CCDC73: variants seen among roughly 807,000 people sequenced by gnomAD.
CCDC73 encodes coiled-coil domain-containing protein 73.
CCDC73 carries 95 observed loss-of-function variants against 116.5 expected under a neutral mutation model. That is an observed-to-expected ratio of 0.82 (90% CI 0.69 to 0.97). The LOEUF (loss-of-function observed/expected upper bound fraction) is 0.97. Among genes scored for constraint, CCDC73 ranks in the 50% least tolerant of loss-of-function variants. The probability of loss-of-function intolerance (pLI) is 0.00; values close to 1 mark genes in which losing one functional copy is unlikely to be tolerated. For synonymous variants in CCDC73, 398 were observed against 401.3 expected (o/e 0.99, Z 0.10); for missense variants, 1,066 against 1,206.8 (o/e 0.88, Z 1.73).
chr11:32,646,845 A>G (rs963854758), intron 12 of CCDC73, among the ~76,000 whole-genome samples: 1 of 151,742 alleles, frequency 6.6e-6, no homozygotes, highest in African/African-American at 2.4e-5. Context: ...CCTGTTTTCC[A>G]TCTTTTTGTC....
In CCDC73 at chr11:32,765,084, C is replaced by A. The variant is rs552422188; in HGVS notation, c.-15-4826G>T. Among the ~76,000 whole-genome samples the A allele has an allele frequency of 3.9e-4, 59 of 152,304 alleles. 1 individual carries two copies. The East Asian group carries it at 8.9e-3, about 23-fold the overall frequency. On this transcript the variant is annotated intron_variant, in intron 1 of 17. Transcript: ENST00000335185. ...GCTAACTATCCTAAATATATATGCA[C>A]CCAATACAGGATCACCCAGATTCAT...
the CCDC73 span, among the ~76,000 whole-genome samples, chr11:32,827,572 A>G: frequency 2.6e-5 from 4 of 152,228 alleles, no homozygotes; most frequent in Admixed American, 6.5e-5. Context: ...CTGATTCCAT[A>G]GCATGAGGCA....
intron 1 of CCDC73, among the ~76,000 whole-genome samples, chr11:32,779,044 A>AATGTTCCATGAATACATTACAAGTATTC (rs1850560377): frequency 2.0e-5 from 3 of 152,124 alleles, no homozygotes; most frequent in Admixed American, 6.6e-5. Context: ...GTGCTAGGAC[A>AATGTTCCATGAATACATTACAAGTATTC]ATGTTCCATG....
the CCDC73 span, chr11:32,830,473 C>CA: frequency 8.4e-7 from 1 of 1,194,390 alleles, no homozygotes; most frequent in Non-Finnish European, 1.1e-6. Flanking sequence ...AGCTAGGGGC[C>CA]TTTTTTTTTT....
the CCDC73 span, among the ~76,000 whole-genome samples, chr11:32,816,754 G>A: frequency 1.5e-4 from 23 of 152,050 alleles, no homozygotes; most frequent in Non-Finnish European, 3.4e-4. Context: ...ATTCAACATT[G>A]CTGACTAAAT....
At chr11:32,748,052 G>A (rs1023692429) in intron 2 of CCDC73, among the ~76,000 whole-genome samples, 6 of 152,214 alleles carry the variant, frequency 3.9e-5, no homozygotes, top group East Asian at 3.8e-4. Flanking sequence ...GCTGTAGACC[G>A]AAGCTGTTCC....
At chr11:32,816,180 T>C in the CCDC73 span, among the ~76,000 whole-genome samples, 2 of 152,136 alleles carry the variant, frequency 1.3e-5, no homozygotes, top group Non-Finnish European at 2.9e-5. Context: ...ATAGATATAT[T>C]AACCTAAAGT....
chr11:32,754,652 T>A (rs1850316548), intron 2 of CCDC73, among the ~76,000 whole-genome samples: 1 of 152,054 alleles, frequency 6.6e-6, no homozygotes, highest in South Asian at 2.1e-4. Context: ...AAAATTCAAT[T>A]GACAGAAAAC....
chr11:32,687,526 A>G (rs1273333815), intron 6 of CCDC73, among the ~76,000 whole-genome samples: 1 of 152,238 alleles, frequency 6.6e-6, no homozygotes, highest in African/African-American at 2.4e-5. Flanking sequence ...TAAGAAAAGT[A>G]TAAATAAAGG....
At chr11:32,828,335 C>G in the CCDC73 span, among the ~76,000 whole-genome samples, 1 of 151,780 alleles carries the variant, frequency 6.6e-6, no homozygotes, top group Non-Finnish European at 1.5e-5. Context: ...ATGGTGAAAA[C>G]CCCTCTCTCC....
chr11:32,755,536 A>AATAT (rs375204188), intron 2 of CCDC73, among the ~76,000 whole-genome samples: 3,633 of 59,890 alleles, frequency 0.061, 361 homozygotes, highest in East Asian at 0.2. Flanking sequence ...TCCATCTCAA[A>AATAT]ATATATATAT....
At chr11:32,744,640 G>C (rs1053137696) in intron 2 of CCDC73, among the ~76,000 whole-genome samples, 1 of 152,120 alleles carries the variant, frequency 6.6e-6, no homozygotes, top group East Asian at 1.9e-4. Flanking sequence ...TCTTGGAAGG[G>C]TGTATGTGTC....
chr11:32,652,218 C>T (rs1452365760), intron 12 of CCDC73, among the ~76,000 whole-genome samples: 4 of 151,682 alleles, frequency 2.6e-5, no homozygotes, highest in Non-Finnish European at 5.9e-5. Flanking sequence ...GCAGGAGAAT[C>T]GCTTGAACCC....
chr11:32,609,939 C>A (rs1855404142), intron 17 of CCDC73, among the ~76,000 whole-genome samples: 1 of 142,320 alleles, frequency 7.0e-6, no homozygotes, highest in Non-Finnish European at 1.5e-5. Flanking sequence ...GTCACCAAGC[C>A]CAGCTAATTT....
chr11:32,720,503 T>A (rs1849981283), intron 2 of CCDC73, among the ~76,000 whole-genome samples: 1 of 152,100 alleles, frequency 6.6e-6, no homozygotes, highest in African/African-American at 2.4e-5. Flanking sequence ...TTATTAAATA[T>A]AATACTGAAA....
chr11:32,605,649 C>G (rs1379156715), intron 17 of CCDC73: 1 of 152,158 alleles, frequency 6.6e-6, no homozygotes, highest in South Asian at 2.1e-4. Context: ...GCTTTAGTTT[C>G]TTTCCCCTTA....
chr11:32,791,829 G>A (rs147059635), intron 1 of CCDC73, among the ~76,000 whole-genome samples: 50 of 152,180 alleles, frequency 3.3e-4, no homozygotes, highest in Non-Finnish European at 5.1e-4. Flanking sequence ...ATCCAGTTGC[G>A]GTAGTGTGCT....
At chr11:32,810,996 TG>T in the CCDC73 span, among the ~76,000 whole-genome samples, 4 of 151,414 alleles carry the variant, frequency 2.6e-5, no homozygotes, top group Non-Finnish European at 5.9e-5. Context: ...CCGGGCATGG[TG>T]GCACAGTGGC....
At chr11:32,734,505 G>C (rs1850110732) in intron 2 of CCDC73, among the ~76,000 whole-genome samples, 1 of 151,342 alleles carries the variant, frequency 6.6e-6, no homozygotes, top group Non-Finnish European at 1.5e-5. Flanking sequence ...GACAATAGTG[G>C]AGGGAAGGTC....
Sources: allele counts gnomAD v4.1 joint callset (sites outside exome capture counted in the v4.1 genomes callset), GRCh38; gene constraint gnomAD v4.1.1; transcripts MANE v1.5; gene names NCBI Gene and HGNC (gene_info 2026-07-23, HGNC 2026-07-21).